Variants in DBF4 observed in about 807,000 individuals in gnomAD.
DBF4 encodes the protein DBF4-CDC7 kinase regulatory subunit.
DBF4 carries 25 observed loss-of-function variants against 76.6 expected under a neutral mutation model. That is an observed-to-expected ratio of 0.33 (90% CI 0.24 to 0.46). The LOEUF (loss-of-function observed/expected upper bound fraction) is 0.46, where lower values mean the gene tolerates loss of function less well. Among genes scored for constraint, DBF4 ranks in the 20% least tolerant of loss-of-function variants. The pLI, the probability that DBF4 is intolerant of heterozygous loss-of-function variation, is 1.00. For synonymous variants in DBF4, 213 were observed against 258.0 expected, an observed-to-expected ratio of 0.83 and a Z score of 1.67; for missense variants, 638 against 760.8, an observed-to-expected ratio of 0.84 and a Z score of 1.90.
Position 87,877,970 on chromosome 7 carries a change from A to T in DBF4, c.47-83A>T, listed in dbSNP as rs1465350485. ...AACTGGTAGGGTTGTAAGGATTTTT[A>T]TTCTGTAATATTGTATAATGAAATA... is the stretch of plus-strand genomic sequence containing the variant. On this transcript the variant is annotated intron_variant, in intron 1 of 11. Coordinates refer to ENST00000265728, the MANE Select transcript of DBF4 (RefSeq NM_006716.4). 9 of 1,101,552 alleles carry T rather than the reference A, an allele frequency of 8.2e-6. No individual in the cohort carries two copies. The East Asian group carries it at 2.1e-4, about 26-fold the overall frequency. The allele number at this position is 1,101,552 out of a possible 1,614,324, so 68.2% of individuals were successfully genotyped here.
intron 8 of DBF4, 109 bp from the exon 9 acceptor site, chr7:87,900,112 T>G: frequency 1.1e-6 from 1 of 932,396 alleles, no homozygotes; most frequent in Non-Finnish European, 1.6e-6. Context: ...GCCTAAATAA[T>G]TTGTTATTTC....
intron 6 of DBF4, among the ~76,000 whole-genome samples, chr7:87,893,706 A>G (rs190977718): frequency 5.9e-4 from 90 of 152,302 alleles, no homozygotes; most frequent in Non-Finnish European, 6.6e-4. Context: ...TGCATTTAAC[A>G]TATCTATATA....
intron 3 of DBF4, among the ~76,000 whole-genome samples, chr7:87,886,572 G>GT (rs1241390241): frequency 7.2e-6 from 1 of 139,800 alleles, no homozygotes; most frequent in Non-Finnish European, 1.6e-5. Context: ...GAAATAACAT[G>GT]TGAAAACAGT....
intron 6 of DBF4, among the ~76,000 whole-genome samples, chr7:87,894,602 T>C (rs1448013373): frequency 1.3e-5 from 2 of 152,244 alleles, no homozygotes; most frequent in East Asian, 1.9e-4. Context: ...GGACTTACTT[T>C]AGCATGTTTT....
At position 87,904,534 on chromosome 7, in the gene DBF4, G is replaced by A. The variant is rs1261598029; in HGVS notation, c.1049+118G>A. 3.9e-5 allele frequency: 48 copies of A among 1,221,664 alleles called. No individual in the cohort carries two copies. In the East Asian group the frequency reaches 7.4e-4, roughly 19 times the overall value. 75.7% of individuals were successfully genotyped at this position (1,221,664 alleles called of 1,614,324 possible). A position where few individuals can be genotyped will look rare whatever the true frequency, so the allele number is the denominator to read the frequency against. ...GCAGTTGGATCACTTGAGGTCAGGA[G>A]TTCGAGACCAGCCTAGCCAACATGG... On this transcript the variant is annotated intron_variant, in intron 11 of 11. Transcript: ENST00000265728.
rs1839988871 is a variant in DBF4, at chr7:87,909,423, G to A, written c.*1260G>A. Reference sequence around the variant, plus strand: ...TTCTCAGTACAGGACTAATTCATATGCTTTTCCTGCATACATTATTTTGAT... The same window carrying A: ...TTCTCAGTACAGGACTAATTCATATACTTTTCCTGCATACATTATTTTGAT... On this transcript the variant is annotated 3_prime_UTR_variant, in exon 12 of 12. Transcript: ENST00000265728. 1 of 152,056 alleles carries A rather than the reference G, an allele frequency of 6.6e-6. No individual in the cohort carries two copies. The highest frequency in any genetic ancestry group is 2.4e-5 in the African/African-American group (1 of 41,392). 9.4% of individuals were successfully genotyped at this position (152,056 alleles called of 1,614,324 possible).
intron 6 of DBF4, among the ~76,000 whole-genome samples, chr7:87,893,507 A>G (rs914076924): frequency 6.6e-6 from 1 of 150,916 alleles, no homozygotes; most frequent in Non-Finnish European, 1.5e-5. Flanking sequence ...GGCCTCCCAA[A>G]GTGCTGGGAT....
chr7:87,909,434 A>C lies in DBF4; in HGVS notation c.*1271A>C, dbSNP rs545841871. ...GGACTAATTCATATGCTTTTCCTGC[A>C]TACATTATTTTGATCATTTGGATAA... On this transcript the variant is annotated 3_prime_UTR_variant, in exon 12 of 12. Coordinates refer to ENST00000265728, the MANE Select transcript of DBF4 (RefSeq NM_006716.4). The C allele has an allele frequency of 3.9e-5, 6 of 152,296 alleles. No individual in the cohort carries two copies. The East Asian group carries it at 1.2e-3, about 29-fold the overall frequency. 9.4% of individuals were successfully genotyped at this position (152,296 alleles called of 1,614,324 possible). A position where few individuals can be genotyped will look rare whatever the true frequency, so the allele number is the denominator to read the frequency against.
chr7:87,881,839 C>T lies in DBF4; in HGVS notation c.220-3140C>T, dbSNP rs1321876059. Among the ~76,000 whole-genome samples the T allele has an allele frequency of 2.0e-5, 3 of 152,056 alleles. 1 individual carries two copies. Among genetic ancestry groups the T allele is most frequent in the South Asian group, 4.1e-4 (2 of 4,820 alleles). On this transcript the variant is annotated intron_variant, in intron 2 of 11. Coordinates refer to ENST00000265728, the MANE Select transcript of DBF4 (RefSeq NM_006716.4). ...CAGAGATAGGAATGATTAACTCTGC[C>T]GTTTGGAATCAACAGAGATAAAGTT...
At chr7:87,904,917 T>C (rs927859483) in intron 11 of DBF4, among the ~76,000 whole-genome samples, 1 of 152,220 alleles carries the variant, frequency 6.6e-6, no homozygotes, top group Admixed American at 6.5e-5. Flanking sequence ...CCATTCTTTT[T>C]AAATTTTCTT....
intron 6 of DBF4, among the ~76,000 whole-genome samples, chr7:87,889,657 T>C (rs918660814): frequency 6.6e-6 from 1 of 152,200 alleles, no homozygotes; most frequent in African/African-American, 2.4e-5. Context: ...ATAAACTTTT[T>C]ATGCATTTCT....
chr7:87,876,549 C>A lies in DBF4; in HGVS notation c.-184C>A. The A allele has an allele frequency of 1.6e-6, 1 of 639,726 alleles. No individual in the cohort carries two copies. The highest frequency in any genetic ancestry group is 1.8e-5 in the South Asian group (1 of 55,514). The allele number at this position is 639,726 out of a possible 1,614,324, so 39.6% of individuals were successfully genotyped here. On this transcript the variant is annotated 5_prime_UTR_variant, in exon 1 of 12. Coordinates refer to ENST00000265728, the MANE Select transcript of DBF4 (RefSeq NM_006716.4). ...TGCTTTGCGCCTTCCTCCTCCGCGC[C>A]TTGGAGCCGGATCCGGCCCCGGAAA... is the stretch of plus-strand genomic sequence containing the variant.
Position 87,900,823 on chromosome 7 carries a change from A to G in DBF4, c.869A>G (p.Lys290Arg). 6.2e-7 allele frequency: 1 copy of G among 1,613,522 alleles called. No homozygotes were observed. Among genetic ancestry groups the G allele is most frequent in the Non-Finnish European group, 8.5e-7 (1 of 1,179,712 alleles). The change falls in exon 10 of 12, where the codon AAG (lysine) becomes AGG (arginine). Residue 290 changes from lysine (K) to arginine (R), a missense_variant. By Grantham distance (26) the Lys-to-Arg change is conservative. Coordinates refer to ENST00000265728, the MANE Select transcript of DBF4 (RefSeq NM_006716.4). Reference sequence around the variant, plus strand: ...TCAATTCAACTCCAGTTGAAAGAGAAGAAGAAAAAAGGATATTGTGAATGT... The same window carrying G: ...TCAATTCAACTCCAGTTGAAAGAGAGGAAGAAAAAAGGATATTGTGAATGT... ...GTSIQLQLKE[K>R]KKKGYCECCL...
At chr7:87,896,190 G>T (rs1025712308) in intron 6 of DBF4, 2 of 303,132 alleles carry the variant, frequency 6.6e-6, no homozygotes, top group African/African-American at 2.2e-5. Flanking sequence ...TGCTGAATAA[G>T]GGCATAAAAA....
At position 87,896,414 on chromosome 7, in the gene DBF4, G is replaced by A. The variant is rs1839639805; in HGVS notation, c.598-60G>A. On this transcript the variant is annotated intron_variant, in intron 6 of 11. Transcript: ENST00000265728. ...TTTATCTTGAAGATACTGAGCAATT[G>A]CAGTTGCTGTTTTAACTGTACTTTC... 2.3e-6 allele frequency: 3 copies of A among 1,299,378 alleles called. No individual in the cohort carries two copies. In the East Asian group the frequency reaches 7.0e-5, roughly 30 times the overall value. 80.5% of individuals were successfully genotyped at this position (1,299,378 alleles called of 1,614,324 possible).
chr7:87,894,253 C>T (rs548370573), intron 6 of DBF4, among the ~76,000 whole-genome samples: 15 of 152,212 alleles, frequency 9.9e-5, no homozygotes, highest in South Asian at 2.1e-4. Flanking sequence ...CTCAGAAGTT[C>T]GAGACCAGCC....
At position 87,907,298 on chromosome 7, in the gene DBF4, A is replaced by G; in HGVS notation, c.1160A>G (p.Glu387Gly). Residue 387 changes from glutamate (E) to glycine (G), a missense_variant, in exon 12 of 12, where the codon GAA becomes GGA. Coordinates refer to ENST00000265728, the MANE Select transcript of DBF4 (RefSeq NM_006716.4). ...LQHISQKDCQ[E>G]DDTTVKEQNF... ...CATATTTCTCAGAAAGATTGCCAGG[A>G]AGATGATACAACAGTGAAGGAGCAG... The G allele has an allele frequency of 6.2e-7, 1 of 1,614,026 alleles. No individual in the cohort carries two copies. The highest frequency in any genetic ancestry group is 8.5e-7 in the Non-Finnish European group (1 of 1,179,928).
At chr7:87,904,259 A>AT in intron 10 of DBF4, 33 bp from the exon 11 acceptor site, 1 of 1,568,572 alleles carries the variant, frequency 6.4e-7, no homozygotes, top group Admixed American at 2.1e-5. Context: ...TTTAAATACA[A>AT]TTTTTTGATA....
At chr7:87,886,408 G>C (rs1714034570) in intron 3 of DBF4, among the ~76,000 whole-genome samples, 1 of 151,808 alleles carries the variant, frequency 6.6e-6, no homozygotes, top group South Asian at 2.1e-4. Context: ...GATGGTGCGT[G>C]CCTGTAGTCC....
Sources: gnomAD v4.1 joint callset for allele counts (sites outside exome capture counted in the v4.1 genomes callset) on GRCh38, gnomAD v4.1.1 for gene constraint, MANE v1.5 for transcripts, NCBI Gene and HGNC (gene_info 2026-07-23, HGNC 2026-07-21) for gene names.